Variants in SGIP1 observed in about 807,000 individuals in gnomAD.
SGIP1 encodes SH3GL interacting endocytic adaptor 1.
In SGIP1, 38 loss-of-function variants were observed where a neutral mutation model predicts 107.5. The observed-to-expected ratio is 0.35, with a 90% CI of 0.27 to 0.46. SGIP1 has a LOEUF of 0.46. Ranked by LOEUF, SGIP1 falls within the 20% of genes least tolerant of loss-of-function variation. The probability of loss-of-function intolerance (pLI) is 1.00; values close to 1 mark genes in which losing one functional copy is unlikely to be tolerated. For missense variants in SGIP1, 929 were observed against 1,019.5 expected (o/e 0.91, Z 1.21); for synonymous variants, 365 against 366.1 (o/e 1.00, Z 0.03).
Position 66,729,286 on chromosome 1 carries a change from G to GA in SGIP1, c.1768dup (p.Met590AsnfsTer45). ...CAGATGTATCGTTAAGATTACCGGA[G>GA]AAATGGTGTTGTCATTTCCTGCTGG... On this transcript the variant is annotated frameshift_variant, in exon 20 of 25. Transcript: ENST00000371037. LOFTEE classifies it high-confidence loss of function. 1 of 1,613,978 alleles carries GA rather than the reference G, an allele frequency of 6.2e-7. No homozygotes were observed. Among genetic ancestry groups the GA allele is most frequent in the Non-Finnish European group, 8.5e-7 (1 of 1,179,962 alleles).
intron 21 of SGIP1, 98 bp from the exon 22 acceptor site, chr1:66,739,237 G>A: frequency 7.4e-7 from 1 of 1,347,774 alleles, no homozygotes; most frequent in Non-Finnish European, 1.0e-6. Flanking sequence ...CTCACTCACG[G>A]TTGCTTGTGA....
At chr1:66,583,951 G>T (rs138955943) in intron 1 of SGIP1, among the ~76,000 whole-genome samples, 1 of 152,110 alleles carries the variant, frequency 6.6e-6, no homozygotes, top group African/African-American at 2.4e-5. Context: ...GGCTAAACTT[G>T]GGACATTTTT....
At chr1:66,730,969 C>G (rs1163573489) in intron 20 of SGIP1, among the ~76,000 whole-genome samples, 1 of 152,200 alleles carries the variant, frequency 6.6e-6, no homozygotes, top group Non-Finnish European at 1.5e-5. Context: ...CAACCAGCCC[C>G]AAACTAGTAG....
intron 7 of SGIP1, chr1:66,660,215 GAGAA>G (rs879813276): frequency 4.7e-5 from 9 of 190,512 alleles, no homozygotes; most frequent in Non-Finnish European, 5.9e-5. Context: ...AAGAAAGAAA[GAGAA>G]AGAAAGAAAG....
intron 18 of SGIP1, among the ~76,000 whole-genome samples, chr1:66,696,085 A>G (rs2090870189): frequency 6.6e-6 from 1 of 152,230 alleles, no homozygotes; most frequent in Admixed American, 6.5e-5. Flanking sequence ...ATGGAGAACT[A>G]TTGCTGGACT....
At chr1:66,596,279 A>G (rs1207559338) in intron 1 of SGIP1, among the ~76,000 whole-genome samples, 1 of 145,246 alleles carries the variant, frequency 6.9e-6, no homozygotes, top group Non-Finnish European at 1.5e-5. Context: ...GCAGAAAAGA[A>G]TTTTATTGAG....
intron 1 of SGIP1, among the ~76,000 whole-genome samples, chr1:66,591,939 G>T (rs1398324467): frequency 6.6e-6 from 1 of 152,186 alleles, no homozygotes; most frequent in Non-Finnish European, 1.5e-5. Flanking sequence ...GTGCAGTAAA[G>T]AGCAGTATTG....
intron 5 of SGIP1, among the ~76,000 whole-genome samples, chr1:66,640,811 A>G (rs773371933): frequency 1.1e-4 from 17 of 151,026 alleles, no homozygotes; most frequent in Non-Finnish European, 2.2e-4. Flanking sequence ...AGAACTGAAG[A>G]AGGAGGAAAA....
chr1:66,659,512 C>G (rs2080458417), intron 7 of SGIP1, among the ~76,000 whole-genome samples: 1 of 152,160 alleles, frequency 6.6e-6, no homozygotes, highest in Non-Finnish European at 1.5e-5. Flanking sequence ...TGACCGTGCC[C>G]AGCTACAATG....
At chr1:66,739,194 C>T (rs1346225450) in intron 21 of SGIP1, 141 bp from the exon 22 acceptor site, 1 of 868,378 alleles carries the variant, frequency 1.2e-6, no homozygotes, top group Non-Finnish European at 1.8e-6. Flanking sequence ...ACTTGAAGCA[C>T]CCAGCTCTCT....
At chr1:66,560,682 TA>T in intron 1 of SGIP1, among the ~76,000 whole-genome samples, 1 of 152,190 alleles carries the variant, frequency 6.6e-6, no homozygotes, top group South Asian at 2.1e-4. Context: ...CCTCATTTAC[TA>T]ATAAATATTT....
chr1:66,712,274 T>A (rs755530310), intron 18 of SGIP1, among the ~76,000 whole-genome samples: 3 of 152,198 alleles, frequency 2.0e-5, no homozygotes, highest in Non-Finnish European at 4.4e-5. Context: ...TTGACATAAA[T>A]TCACATTAAA....
At chr1:66,703,800 T>C (rs990547876) in intron 18 of SGIP1, among the ~76,000 whole-genome samples, 2 of 151,724 alleles carry the variant, frequency 1.3e-5, no homozygotes, top group Non-Finnish European at 2.9e-5. Context: ...ATGATATATA[T>C]GAAATATGGA....
chr1:66,734,223 A>G (rs1459064990), intron 21 of SGIP1, among the ~76,000 whole-genome samples: 3 of 152,154 alleles, frequency 2.0e-5, no homozygotes, highest in Non-Finnish European at 4.4e-5. Context: ...TTACTATACT[A>G]AAACCTCTTA....
chr1:66,621,980 C>T (rs2071257854), intron 1 of SGIP1, among the ~76,000 whole-genome samples: 1 of 152,148 alleles, frequency 6.6e-6, no homozygotes, highest in Non-Finnish European at 1.5e-5. Context: ...TTGAAGAAAT[C>T]TGATGTCTCT....
rs1477899813 is a variant in SGIP1 at position 66,589,216 on chromosome 1, A to ATGTGTGTGTG, written c.11-36628_11-36627insGTGTGTGTGT. ...TATATATATATATATATATATATAT[A>ATGTGTGTGTG]TGTAAGGCTTGGGGTAAAGAGAAGG... On this transcript the variant is annotated intron_variant, in intron 1 of 24. Coordinates refer to ENST00000371037, the MANE Select transcript of SGIP1 (RefSeq NM_032291.4). Among the ~76,000 whole-genome samples, 113 of 96,408 alleles carry ATGTGTGTGTG rather than the reference A, an allele frequency of 1.2e-3. 4 individuals are homozygous for ATGTGTGTGTG. The highest frequency in any genetic ancestry group is 4.5e-3 in the African/African-American group (109 of 24,292). 63.2% of individuals were successfully genotyped at this position (96,408 alleles called of 152,430 possible). A position where few individuals can be genotyped will look rare whatever the true frequency, so the allele number is the denominator to read the frequency against.
chr1:66,581,357 C>G (rs1202732651), intron 1 of SGIP1, among the ~76,000 whole-genome samples: 3 of 151,934 alleles, frequency 2.0e-5, no homozygotes, highest in Non-Finnish European at 4.4e-5. Flanking sequence ...GTAATAATAT[C>G]CCTAGCTCAT....
intron 3 of SGIP1, among the ~76,000 whole-genome samples, chr1:66,633,821 T>TA (rs1387018944): frequency 2.0e-5 from 3 of 152,136 alleles, no homozygotes; most frequent in African/African-American, 7.2e-5. Flanking sequence ...AAAATGGACT[T>TA]ACATTAGGCT....
chr1:66,707,048 T>C lies in SGIP1; in HGVS notation c.1630+11555T>C, dbSNP rs569010216. Among the ~76,000 whole-genome samples, 6 of 152,066 alleles carry C rather than the reference T, an allele frequency of 3.9e-5. No individual in the cohort carries two copies. The South Asian group carries it at 1.2e-3, about 31-fold the overall frequency. On this transcript the variant is annotated intron_variant, in intron 18 of 24. Coordinates refer to ENST00000371037, the MANE Select transcript of SGIP1 (RefSeq NM_032291.4). ...AGAAATAACATTTTTGATGTTTTGG[T>C]GAAAATTCTTGATGAAACCCTGTCT... is the stretch of plus-strand genomic sequence containing the variant.
Sources: gnomAD v4.1 joint callset for allele counts (sites outside exome capture counted in the v4.1 genomes callset) on GRCh38, gnomAD v4.1.1 for gene constraint, MANE v1.5 for transcripts, NCBI Gene and HGNC (gene_info 2026-07-23, HGNC 2026-07-21) for gene names.